The following LARGE1 variants were observed in gnomAD, a reference collection of about 807,000 sequenced individuals.
The protein encoded by LARGE1 is xylosyl- and glucuronyltransferase LARGE1.
A neutral mutation model predicts 87.6 loss-of-function variants in LARGE1; 43 were observed. The ratio of observed to expected loss-of-function variants is 0.49; its 90% CI spans 0.38 to 0.63. The LOEUF is 0.63. Ranked by LOEUF, LARGE1 falls within the 30% of genes least tolerant of loss-of-function variation. The pLI, the probability that LARGE1 is intolerant of heterozygous loss-of-function variation, is 0.00. For synonymous variants in LARGE1, 434 were observed against 394.6 expected, an observed-to-expected ratio of 1.10 and a Z score of -1.18; for missense variants, 802 against 1,000.2, an observed-to-expected ratio of 0.80 and a Z score of 2.67.
At chr22:33,457,293 C>CA (rs2068172637) in intron 6 of LARGE1, among the ~76,000 whole-genome samples, 1 of 74,922 alleles carries the variant, frequency 1.3e-5, no homozygotes, top group Non-Finnish European at 2.5e-5. Flanking sequence ...ACGCCTGGCT[C>CA]TTTTTTTTTT....
Position 33,279,724 on chromosome 22 carries a change from G to T in LARGE1, c.1878-2469C>A, listed in dbSNP as rs940168665. Among the ~76,000 whole-genome samples, 8 of 152,330 alleles carry T rather than the reference G, an allele frequency of 5.3e-5. No homozygotes were observed. The East Asian group carries it at 1.5e-3, about 29-fold the overall frequency. On this transcript the variant is annotated intron_variant, in intron 13 of 14. Coordinates refer to ENST00000397394, the MANE Select transcript of LARGE1 (RefSeq NM_133642.5). ...ATGGAGTGTGGAAAAGGGATATTGCGGGAGATGTCAATTTCGGGCATGATC... is the reference window on the plus strand; with the variant it reads ...ATGGAGTGTGGAAAAGGGATATTGCTGGAGATGTCAATTTCGGGCATGATC...
At chr22:33,177,234 C>T (rs1364189095) in intron 11 of LARGE1, among the ~76,000 whole-genome samples, 1 of 152,036 alleles carries the variant, frequency 6.6e-6, no homozygotes, top group African/African-American at 2.4e-5. Flanking sequence ...CAGCAAACCC[C>T]CATGGCACGT....
intron 9 of LARGE1, among the ~76,000 whole-genome samples, chr22:33,375,514 C>G (rs148081322): frequency 2.0e-5 from 3 of 152,006 alleles, no homozygotes; most frequent in Non-Finnish European, 2.9e-5. Context: ...AACTCTCTCT[C>G]TATAGCAGGA....
chr22:33,394,842 A>T (rs1601690822), intron 7 of LARGE1, among the ~76,000 whole-genome samples: 1 of 152,176 alleles, frequency 6.6e-6, no homozygotes, highest in South Asian at 2.1e-4. Context: ...CTGGAGGAGC[A>T]GTAAGTAAAT....
At chr22:33,198,037 G>C (rs764575357) in intron 11 of LARGE1, among the ~76,000 whole-genome samples, 1 of 152,058 alleles carries the variant, frequency 6.6e-6, no homozygotes, top group Non-Finnish European at 1.5e-5. Flanking sequence ...ATAAAACATT[G>C]ACATTGACCC....
chr22:33,697,489 G>A (rs2082284883), intron 2 of LARGE1, among the ~76,000 whole-genome samples: 1 of 121,350 alleles, frequency 8.2e-6, no homozygotes, highest in East Asian at 2.8e-4. Flanking sequence ...GAGGTCAGGA[G>A]ATTGAGACCA....
chr22:33,438,944 C>A (rs1362268377), intron 6 of LARGE1, among the ~76,000 whole-genome samples: 1 of 152,122 alleles, frequency 6.6e-6, no homozygotes, highest in Admixed American at 6.5e-5. Flanking sequence ...GGCGCGGTGG[C>A]TCACACCTGT....
At chr22:33,545,202 T>C (rs1434233640) in intron 6 of LARGE1, among the ~76,000 whole-genome samples, 1 of 151,992 alleles carries the variant, frequency 6.6e-6, no homozygotes, top group Non-Finnish European at 1.5e-5. Flanking sequence ...GGAAAGTAGG[T>C]CATGTACAAA....
intron 1 of LARGE1, among the ~76,000 whole-genome samples, chr22:33,769,030 A>G (rs1022247861): frequency 6.6e-6 from 1 of 152,244 alleles, no homozygotes; most frequent in African/African-American, 2.4e-5. Context: ...TCACCAGGGC[A>G]GGAATCCGCC....
chr22:33,634,454 T>C (rs2080206260), intron 3 of LARGE1, among the ~76,000 whole-genome samples: 1 of 152,164 alleles, frequency 6.6e-6, no homozygotes, highest in African/African-American at 2.4e-5. Flanking sequence ...TAACTGTGAT[T>C]ATTTTGAGAG....
Position 33,883,985 on chromosome 22 carries a change from G to T in LARGE1, c.-83+36010C>A, listed in dbSNP as rs529696287. Among the ~76,000 whole-genome samples the T allele has an allele frequency of 2.0e-5, 3 of 152,320 alleles. No individual in the cohort carries two copies. In the South Asian group the frequency reaches 6.2e-4, roughly 32 times the overall value. ...CAGAACACAAACTCTATGAAGGCAG[G>T]GACTCGTGTCCCTTGGTTTACTAAC... is the stretch of plus-strand genomic sequence containing the variant. On this transcript the variant is annotated intron_variant, in intron 1 of 14. Coordinates refer to ENST00000397394, the MANE Select transcript of LARGE1 (RefSeq NM_133642.5).
chr22:33,348,276 A>ACC (rs1300424882), intron 9 of LARGE1, among the ~76,000 whole-genome samples: 16 of 89,046 alleles, frequency 1.8e-4, no homozygotes, highest in South Asian at 9.1e-4. Context: ...CCGCTCCCCC[A>ACC]CCCACCCCCC....
intron 6 of LARGE1, among the ~76,000 whole-genome samples, chr22:33,490,207 A>G (rs2069770240): frequency 6.6e-6 from 1 of 152,194 alleles, no homozygotes; most frequent in Non-Finnish European, 1.5e-5. Context: ...TATTCCTACC[A>G]AGTTCACATT....
intron 6 of LARGE1, among the ~76,000 whole-genome samples, chr22:33,460,469 C>T (rs1000191736): frequency 6.6e-6 from 1 of 152,078 alleles, no homozygotes; most frequent in African/African-American, 2.4e-5. Flanking sequence ...GGCATAAAAA[C>T]ACATAAAAAT....
chr22:33,334,361 A>G, intron 10 of LARGE1, among the ~76,000 whole-genome samples: 1 of 145,610 alleles, frequency 6.9e-6, no homozygotes, highest in African/African-American at 2.6e-5. Flanking sequence ...CAGTGAGCTG[A>G]GATCGCGCCA....
the LARGE1 span, among the ~76,000 whole-genome samples, chr22:33,082,419 C>G: frequency 3.9e-4 from 59 of 152,152 alleles, no homozygotes; most frequent in African/African-American, 1.4e-3. Context: ...GCAGCTGACC[C>G]TTGAACAAGA....
At chr22:33,435,199 G>A (rs781147676) in intron 6 of LARGE1, among the ~76,000 whole-genome samples, 26 of 151,942 alleles carry the variant, frequency 1.7e-4, no homozygotes, top group Non-Finnish European at 3.4e-4. Context: ...ACAGGGTTTC[G>A]CCATGTTGAC....
At chr22:33,731,807 C>G (rs1188366046) in intron 2 of LARGE1, among the ~76,000 whole-genome samples, 1 of 152,146 alleles carries the variant, frequency 6.6e-6, no homozygotes, top group Admixed American at 6.5e-5. Context: ...CATTTATCTG[C>G]AAACTCATCA....
intron 11 of LARGE1, among the ~76,000 whole-genome samples, chr22:33,255,762 C>T (rs1927229171): frequency 1.3e-5 from 2 of 152,172 alleles, no homozygotes; most frequent in Non-Finnish European, 2.9e-5. Flanking sequence ...TCTGTGCAGC[C>T]ACATTCATTT....
Sources: gnomAD v4.1 joint callset for allele counts (sites outside exome capture counted in the v4.1 genomes callset) on GRCh38, gnomAD v4.1.1 for gene constraint, MANE v1.5 for transcripts, NCBI Gene and HGNC (gene_info 2026-07-23, HGNC 2026-07-21) for gene names.